Variants in OTUD7A observed in about 807,000 individuals in gnomAD.
OTUD7A encodes the protein OTU deubiquitinase 7A, also known as OTU domain-containing protein 7A.
A neutral mutation model predicts 65.7 loss-of-function variants in OTUD7A; 12 were observed. The observed-to-expected ratio is 0.18, with a 90% CI of 0.12 to 0.30. The LOEUF is 0.30. Ranked by LOEUF, OTUD7A falls within the 10% of genes least tolerant of loss-of-function variation. The probability of loss-of-function intolerance (pLI) is 1.00; values close to 1 mark genes in which losing one functional copy is unlikely to be tolerated. For missense variants in OTUD7A, 1,148 were observed against 1,304.8 expected, an observed-to-expected ratio of 0.88 and a Z score of 1.85; for synonymous variants, 641 against 586.3, an observed-to-expected ratio of 1.09 and a Z score of -1.35.
rs2041061603 is a variant in OTUD7A, at chr15:31,478,568, C to CGTGTGTCTT, written c.*4717_*4725dup. The CGTGTGTCTT allele has an allele frequency of 6.6e-6, 1 of 152,224 alleles. No homozygotes were observed. The highest frequency in any genetic ancestry group is 2.4e-5 in the African/African-American group (1 of 41,460). 9.4% of individuals were successfully genotyped at this position (152,224 alleles called of 1,614,324 possible). ...TGGCTTCAGTGCTACTCTGCAACTACGTGTGTCTTCGGCTCAGCCTGGTGG... is the reference window on the plus strand; with the variant it reads ...TGGCTTCAGTGCTACTCTGCAACTACGTGTGTCTTGTGTGTCTTCGGCTCAGCCTGGTGG... On this transcript the variant is annotated 3_prime_UTR_variant, in exon 13 of 13. Coordinates refer to ENST00000307050, the MANE Select transcript of OTUD7A (RefSeq NM_001382637.1).
At chr15:31,652,967 T>C (rs1891883545) in intron 3 of OTUD7A, among the ~76,000 whole-genome samples, 1 of 152,122 alleles carries the variant, frequency 6.6e-6, no homozygotes, top group Admixed American at 6.6e-5. Flanking sequence ...AAATTAAAAC[T>C]AGGCCAGGCA....
At chr15:31,681,493 GTC>G (rs1231178378) in intron 1 of OTUD7A, among the ~76,000 whole-genome samples, 1 of 151,688 alleles carries the variant, frequency 6.6e-6, no homozygotes, top group African/African-American at 2.4e-5. Context: ...TTGTCTGTAT[GTC>G]TTTCAATCTA....
At chr15:31,805,953 T>C (rs1158346951) in intron 1 of OTUD7A, among the ~76,000 whole-genome samples, 1 of 152,274 alleles carries the variant, frequency 6.6e-6, no homozygotes, top group East Asian at 1.9e-4. Context: ...CAAGGCCATA[T>C]TATTTAAAAC....
At chr15:31,764,971 T>C (rs1300305155) in intron 1 of OTUD7A, among the ~76,000 whole-genome samples, 1 of 152,128 alleles carries the variant, frequency 6.6e-6, no homozygotes, top group Non-Finnish European at 1.5e-5. Flanking sequence ...ATAAATACCT[T>C]ATGGAAGAGA....
At chr15:31,870,401 C>G (rs948145010) in intron 1 of OTUD7A, 106 bp downstream of exon 1, 1 of 146,870 alleles carries the variant, frequency 6.8e-6, no homozygotes, top group Non-Finnish European at 1.5e-5. Context: ...CGCCACGGAG[C>G]TCGGGAAGGA....
intron 1 of OTUD7A, among the ~76,000 whole-genome samples, chr15:31,868,065 G>C (rs954468751): frequency 1.3e-5 from 2 of 152,220 alleles, no homozygotes; most frequent in East Asian, 3.9e-4. Flanking sequence ...CCTTTCTTCC[G>C]TGGGCCTAAG....
intron 1 of OTUD7A, among the ~76,000 whole-genome samples, chr15:31,846,390 CTAAGT>C (rs1897294150): frequency 6.6e-6 from 1 of 151,964 alleles, no homozygotes; most frequent in South Asian, 2.1e-4. Context: ...TTGCCAAGGA[CTAAGT>C]TAAGAAAGCT....
chr15:31,743,341 C>T (rs1357933812), intron 1 of OTUD7A, among the ~76,000 whole-genome samples: 1 of 151,954 alleles, frequency 6.6e-6, no homozygotes, highest in Non-Finnish European at 1.5e-5. Context: ...TACTAAATAA[C>T]ATGCATGTAA....
chr15:31,625,265 A>G (rs950875890), intron 3 of OTUD7A, among the ~76,000 whole-genome samples: 1 of 152,282 alleles, frequency 6.6e-6, no homozygotes, highest in African/African-American at 2.4e-5. Flanking sequence ...AGCCAGTTAC[A>G]CCACGCTTGG....
chr15:31,862,986 A>C (rs1799514261), intron 1 of OTUD7A, among the ~76,000 whole-genome samples: 1 of 152,188 alleles, frequency 6.6e-6, no homozygotes, highest in African/African-American at 2.4e-5. Context: ...AGCCATTCCA[A>C]ATGGGAGAAA....
chr15:31,658,619 C>G lies in OTUD7A; in HGVS notation c.-99-1542G>C, dbSNP rs576590848. ...CACACATACAGGTCTCAGAGACCAA[C>G]TGCTGGATTTGGAAGACACTTAGTG... is the stretch of plus-strand genomic sequence containing the variant. On this transcript the variant is annotated intron_variant, in intron 1 of 12. Transcript: ENST00000307050. 3.0e-4 allele frequency among the ~76,000 whole-genome samples: 45 copies of G among 152,270 alleles called. No individual in the cohort carries two copies. In the South Asian group the frequency reaches 9.1e-3, roughly 31 times the overall value.
chr15:31,730,759 G>A (rs1161384116), intron 1 of OTUD7A, among the ~76,000 whole-genome samples: 3 of 152,198 alleles, frequency 2.0e-5, no homozygotes, highest in Non-Finnish European at 4.4e-5. Context: ...TCTCCAACAT[G>A]GGGGCGGTGG....
At chr15:31,797,019 C>G (rs1895980368) in intron 1 of OTUD7A, among the ~76,000 whole-genome samples, 1 of 152,202 alleles carries the variant, frequency 6.6e-6, no homozygotes, top group Non-Finnish European at 1.5e-5. Flanking sequence ...CAGGCGTGAG[C>G]CACGGCACCT....
chr15:31,601,320 A>C lies in OTUD7A; in HGVS notation c.152-31123T>G, dbSNP rs546598210. ...GATTAAGAAACTCACCCAAAACTGC[A>C]CAACAACATGGAAACTGAACAACCT... is the stretch of plus-strand genomic sequence containing the variant. On this transcript the variant is annotated intron_variant, in intron 3 of 12. Transcript: ENST00000307050. 2.6e-5 allele frequency among the ~76,000 whole-genome samples: 4 copies of C among 152,300 alleles called. No individual in the cohort carries two copies. The East Asian group carries it at 7.7e-4, about 29-fold the overall frequency.
chr15:31,530,638 C>CA, intron 6 of OTUD7A, 69 bp downstream of exon 6: 1 of 1,397,342 alleles, frequency 7.2e-7, no homozygotes, highest in Non-Finnish European at 1.0e-6. Flanking sequence ...GTGTTTCCTT[C>CA]AATAGCATAT....
intron 1 of OTUD7A, among the ~76,000 whole-genome samples, chr15:31,810,533 G>A (rs146069713): frequency 1.0e-3 from 156 of 152,264 alleles, no homozygotes; most frequent in Non-Finnish European, 1.7e-3. Context: ...ACAAGAAGGC[G>A]GCTGTCTGCA....
At position 31,540,473 on chromosome 15, in the gene OTUD7A, C is replaced by G. The variant is rs529353225; in HGVS notation, c.551-9665G>C. Among the ~76,000 whole-genome samples, 215 of 152,304 alleles carry G rather than the reference C, an allele frequency of 1.4e-3. 3 individuals are homozygous for G. The highest frequency in any genetic ancestry group is 4.6e-3 in the South Asian group (22 of 4,820). ...GTTAGGCACAGAAGCTGGAGTTAGA[C>G]TTCCTGGGTTCAAATCTCAGTTCCA... On this transcript the variant is annotated intron_variant, in intron 5 of 12. Transcript: ENST00000307050.
intron 8 of OTUD7A, among the ~76,000 whole-genome samples, chr15:31,507,323 A>C (rs991748167): frequency 1.3e-5 from 2 of 152,258 alleles, no homozygotes; most frequent in East Asian, 3.9e-4. Context: ...AGGTTTTTTA[A>C]TGAAATAGAT....
chr15:31,693,245 T>TC lies in OTUD7A; in HGVS notation c.-99-36169dup, dbSNP rs1892998154. 2.0e-5 allele frequency among the ~76,000 whole-genome samples: 3 copies of TC among 152,368 alleles called. No individual in the cohort carries two copies. The South Asian group carries it at 6.2e-4, about 32-fold the overall frequency. ...ACTTCTGGAAATAAAGAGGAGAGTC[T>TC]CTTTTTTTTGTACTCTAAGATACTG... On this transcript the variant is annotated intron_variant, in intron 1 of 12. Coordinates refer to ENST00000307050, the MANE Select transcript of OTUD7A (RefSeq NM_001382637.1).
Sources: gnomAD v4.1 joint callset for allele counts (sites outside exome capture counted in the v4.1 genomes callset) on GRCh38, gnomAD v4.1.1 for gene constraint, MANE v1.5 for transcripts, NCBI Gene and HGNC (gene_info 2026-07-23, HGNC 2026-07-21) for gene names.